Variants in RHOA observed in about 807,000 individuals in gnomAD.
RHOA encodes ras homolog family member A, also known as transforming protein RhoA.
A neutral mutation model predicts 17.5 loss-of-function variants in RHOA; 3 were observed. That is an observed-to-expected ratio of 0.17 (90% CI 0.08 to 0.44). RHOA has a LOEUF of 0.44. Ranked by LOEUF, RHOA falls within the 20% of genes least tolerant of loss-of-function variation. The pLI is 0.99. For missense variants in RHOA, 56 were observed against 242.3 expected, an observed-to-expected ratio of 0.23 and a Z score of 5.10; for synonymous variants, 98 against 88.4, an observed-to-expected ratio of 1.11 and a Z score of -0.61.
intron 1 of RHOA, among the ~76,000 whole-genome samples, chr3:49,382,196 G>T (rs1368052663): frequency 6.6e-6 from 1 of 151,950 alleles, no homozygotes; most frequent in East Asian, 1.9e-4. Context: ...AAGGGCGCCT[G>T]TAGTTCCAGC....
intron 1 of RHOA, among the ~76,000 whole-genome samples, chr3:49,394,133 G>C (rs774124445): frequency 2.0e-5 from 3 of 149,970 alleles, no homozygotes; most frequent in Non-Finnish European, 4.4e-5. Flanking sequence ...GCCTCCCAAA[G>C]TGCTGGGATT....
intron 4 of RHOA, among the ~76,000 whole-genome samples, chr3:49,361,804 C>T (rs919140630): frequency 2.0e-5 from 3 of 152,134 alleles, no homozygotes; most frequent in Non-Finnish European, 4.4e-5. Flanking sequence ...TCACTTAAAC[C>T]TTGGAGGCTG....
intron 3 of RHOA, among the ~76,000 whole-genome samples, chr3:49,367,312 C>T (rs2048071524): frequency 1.6e-5 from 2 of 125,832 alleles, no homozygotes; most frequent in Non-Finnish European, 3.1e-5. Flanking sequence ...TGCTGCAATC[C>T]AGCCTGGGAG....
chr3:49,387,736 G>A (rs1296299047), intron 1 of RHOA, among the ~76,000 whole-genome samples: 43 of 135,408 alleles, frequency 3.2e-4, no homozygotes, highest in Non-Finnish European at 5.4e-4. Context: ...GAGACTCCAG[G>A]TCTCAAAAAA....
intron 1 of RHOA, among the ~76,000 whole-genome samples, chr3:49,378,170 TAAA>T (rs71627382): frequency 1.0e-4 from 9 of 90,446 alleles, no homozygotes; most frequent in African/African-American, 2.5e-4. Context: ...AACTGTGTCT[TAAA>T]AAAAAAAAAA....
intron 1 of RHOA, among the ~76,000 whole-genome samples, chr3:49,386,055 T>C (rs1328278391): frequency 6.6e-6 from 1 of 152,196 alleles, no homozygotes; most frequent in Non-Finnish European, 1.5e-5. Flanking sequence ...TTGGTTATTC[T>C]GGGTCCCCTG....
intron 3 of RHOA, among the ~76,000 whole-genome samples, chr3:49,366,050 G>A (rs1401089116): frequency 6.6e-6 from 1 of 152,088 alleles, no homozygotes; most frequent in Non-Finnish European, 1.5e-5. Flanking sequence ...GCGAGACCCT[G>A]TCTCAAAAAG....
chr3:49,404,468 G>T (rs1335870389), intron 1 of RHOA, among the ~76,000 whole-genome samples: 2 of 9,442 alleles, frequency 2.1e-4, no homozygotes, highest in East Asian at 0.014. Context: ...AAAATTAGCC[G>T]GGCATGGTGG....
At chr3:49,380,678 AATAAT>A (rs1344275285) in intron 1 of RHOA, among the ~76,000 whole-genome samples, 2 of 15,230 alleles carry the variant, frequency 1.3e-4, no homozygotes, top group Non-Finnish European at 1.9e-4. Context: ...TCTCAAAAAT[AATAAT>A]AATAATAATA....
At chr3:49,365,446 A>T (rs1320794203) in intron 3 of RHOA, among the ~76,000 whole-genome samples, 1 of 151,946 alleles carries the variant, frequency 6.6e-6, no homozygotes, top group East Asian at 1.9e-4. Flanking sequence ...CCTGGCCTAG[A>T]ATAGATGTTC....
chr3:49,402,644 A>G (rs961801002), intron 1 of RHOA, among the ~76,000 whole-genome samples: 1 of 152,124 alleles, frequency 6.6e-6, no homozygotes, highest in African/African-American at 2.4e-5. Context: ...ACTGCACTCC[A>G]GCCTGGGAAA....
chr3:49,376,125 GCCA>G (rs1258243503), intron 1 of RHOA, among the ~76,000 whole-genome samples: 3 of 152,050 alleles, frequency 2.0e-5, no homozygotes, highest in Non-Finnish European at 4.4e-5. Flanking sequence ...ACAGGCGTGA[GCCA>G]CCACGCCTGG....
intron 1 of RHOA, among the ~76,000 whole-genome samples, chr3:49,384,784 G>A (rs193254611): frequency 9.2e-4 from 140 of 152,166 alleles, no homozygotes; most frequent in African/African-American, 3.1e-3. Context: ...ATCTTGGCTG[G>A]GTGCAGTGGC....
chr3:49,406,685 T>G (rs140150465), intron 1 of RHOA: 1 of 151,882 alleles, frequency 6.6e-6, no homozygotes, highest in South Asian at 2.1e-4. Flanking sequence ...AGTGGGTAGG[T>G]TGAGGCACGA....
intron 1 of RHOA, among the ~76,000 whole-genome samples, chr3:49,399,866 A>C (rs534714807): frequency 6.6e-6 from 1 of 152,144 alleles, no homozygotes; most frequent in African/African-American, 2.4e-5. Flanking sequence ...AGATTACATC[A>C]AGGGGGTAAG....
At chr3:49,392,066 A>G (rs956426095) in intron 1 of RHOA, among the ~76,000 whole-genome samples, 24 of 149,464 alleles carry the variant, frequency 1.6e-4, no homozygotes, top group Non-Finnish European at 3.6e-4. Flanking sequence ...ATCTCAAGTG[A>G]TCCACCAGCC....
rs201447185 is a variant in RHOA at position 49,375,485 on chromosome 3, C to G, written c.105G>C (p.Val35=). The change falls in exon 2 of 5, where the codon GTG becomes GTC. Residue 35 remains valine (V), a synonymous_variant. Transcript: ENST00000418115. The part of the protein sequence containing the change: ...FSKDQFPEVY[V]PTVFENYVAD... Reference sequence around the variant, plus strand: ...CCACATAGTTCTCAAACACTGTGGGCACATACACCTCTGGGAACTGGTCCT... The same window carrying G: ...CCACATAGTTCTCAAACACTGTGGGGACATACACCTCTGGGAACTGGTCCT... 2 of 1,614,088 alleles carry G rather than the reference C, an allele frequency of 1.2e-6. No homozygotes were observed. Among genetic ancestry groups the G allele is most frequent in the Non-Finnish European group, 1.7e-6 (2 of 1,179,986 alleles).
intron 1 of RHOA, among the ~76,000 whole-genome samples, chr3:49,389,623 C>T (rs1169425049): frequency 6.6e-6 from 1 of 151,984 alleles, no homozygotes; most frequent in African/African-American, 2.4e-5. Flanking sequence ...TCCAGAATTC[C>T]AATAGCTAAC....
At chr3:49,382,315 T>C (rs1018645477) in intron 1 of RHOA, among the ~76,000 whole-genome samples, 20 of 147,770 alleles carry the variant, frequency 1.4e-4, no homozygotes, top group African/African-American at 4.3e-4. Flanking sequence ...AGAGACTCCG[T>C]CTCAAAAATA....
Sources: gnomAD v4.1 joint callset for allele counts (sites outside exome capture counted in the v4.1 genomes callset) on GRCh38, gnomAD v4.1.1 for gene constraint, MANE v1.5 for transcripts, NCBI Gene and HGNC (gene_info 2026-07-23, HGNC 2026-07-21) for gene names.